ADRA1A: variants seen among roughly 807,000 people sequenced by gnomAD.
The protein encoded by ADRA1A is alpha-1A adrenergic receptor.
In ADRA1A, 31 loss-of-function variants were observed where a neutral mutation model predicts 29.6. That is an observed-to-expected ratio of 1.05 (90% CI 0.79 to 1.41). The LOEUF is 1.41. Among genes scored for constraint, ADRA1A ranks in the 40% most tolerant of loss-of-function variants. ADRA1A has a pLI of 0.00. For missense variants in ADRA1A, 619 were observed against 601.1 expected (o/e 1.03, Z -0.31); for synonymous variants, 311 against 254.3 (o/e 1.22, Z -2.12).
intron 2 of ADRA1A, among the ~76,000 whole-genome samples, chr8:26,790,087 C>T (rs1227431181): frequency 6.6e-6 from 1 of 152,126 alleles, no homozygotes; most frequent in Non-Finnish European, 1.5e-5. Context: ...TACCATGATC[C>T]AGCAATCCAG....
chr8:26,846,732 A>T (rs945123763), intron 2 of ADRA1A, among the ~76,000 whole-genome samples: 21 of 152,338 alleles, frequency 1.4e-4, no homozygotes, highest in African/African-American at 4.8e-4. Flanking sequence ...CGATCGCGCC[A>T]TTGCACTCCA....
At chr8:26,793,271 T>C (rs1223098682) in intron 2 of ADRA1A, among the ~76,000 whole-genome samples, 2 of 151,946 alleles carry the variant, frequency 1.3e-5, no homozygotes, top group African/African-American at 2.4e-5. Context: ...ATGACTAAGA[T>C]ACAGACAACA....
intron 2 of ADRA1A, among the ~76,000 whole-genome samples, chr8:26,828,907 G>T (rs867316435): frequency 6.6e-5 from 10 of 152,204 alleles, no homozygotes; most frequent in Admixed American, 3.3e-4. Flanking sequence ...CCAAATACCT[G>T]CCCTGTGAGC....
intron 2 of ADRA1A, among the ~76,000 whole-genome samples, chr8:26,799,437 G>A (rs765980627): frequency 6.6e-6 from 1 of 152,196 alleles, no homozygotes; most frequent in Admixed American, 6.5e-5. Flanking sequence ...GTGACTTCCA[G>A]TGAATCTGTG....
Position 26,864,331 on chromosome 8 carries a change from C to T in ADRA1A, c.639G>A (p.Arg213=). 6.2e-7 allele frequency: 1 copy of T among 1,614,070 alleles called. No homozygotes were observed. Residue 213 remains arginine (R), a synonymous_variant, in exon 2 of 3, where the codon AGG becomes AGA. Coordinates refer to ENST00000380573, the MANE Select transcript of ADRA1A (RefSeq NM_000680.4). The surrounding 1 kb of genome is among the most constrained non-coding windows in gnomAD (Gnocchi z 8.1). The part of the protein sequence containing the change: ...MYCRVYVVAK[R]ESRGLKSGLK... ...GGCCAGACTTGAGGCCCCGGCTCTC[C>T]CTCTTGGCCACCACGTAGACGCGGC...
Position 26,821,581 on chromosome 8 carries a change from G to A in ADRA1A, c.883+42506C>T, listed in dbSNP as rs1388699251. 6.6e-6 allele frequency among the ~76,000 whole-genome samples: 1 copy of A among 152,086 alleles called. No individual in the cohort carries two copies. Among genetic ancestry groups the A allele is most frequent in the Non-Finnish European group, 1.5e-5 (1 of 68,020 alleles). ...CACATTTCAACACGAGATTTGGAGG[G>A]GGCAAACATTCAAACCACATTACCA... On this transcript the variant is annotated intron_variant, in intron 2 of 2. Transcript: ENST00000380573. This position sits in a 1 kb window ranked among gnomAD's most constrained non-coding sequence, Gnocchi z 5.6.
At chr8:26,765,290 G>A (rs888701151), downstream of ADRA1A, among the ~76,000 whole-genome samples, 2 of 152,212 alleles carry the variant, frequency 1.3e-5, no homozygotes, top group African/African-American at 2.4e-5. Flanking sequence ...TTTGGGTCTG[G>A]GGAGCGTGAA....
chr8:26,853,144 A>T (rs1812759392), intron 2 of ADRA1A, among the ~76,000 whole-genome samples: 1 of 152,204 alleles, frequency 6.6e-6, no homozygotes, highest in Admixed American at 6.5e-5. Context: ...AAATTAAAAT[A>T]CATTTTAAAT....
At chr8:26,766,147 C>T, downstream of ADRA1A, 4 of 1,602,930 alleles carry the variant, frequency 2.5e-6, no homozygotes, top group African/African-American at 1.3e-5. Context: ...AATCCATTCC[C>T]CTCTGTCCAA....
chr8:26,865,067 G>A lies in ADRA1A; in HGVS notation c.-98C>T. The A allele has an allele frequency of 1.3e-6, 2 of 1,507,974 alleles. No homozygotes were observed. The allele number at this position is 1,507,974 out of a possible 1,614,324, so 93.4% of individuals were successfully genotyped here. A position where few individuals can be genotyped will look rare whatever the true frequency, so the allele number is the denominator to read the frequency against. On this transcript the variant is annotated 5_prime_UTR_variant, in exon 2 of 3. Transcript: ENST00000380573. The surrounding 1 kb of genome is among the most constrained non-coding windows in gnomAD (Gnocchi z 7.6). ...GGGAGCCGGGAATCAAAAGGTCTCG[G>A]CTGGAGGGAGCCCTGCCAGGTGGGT...
intron 2 of ADRA1A, among the ~76,000 whole-genome samples, chr8:26,862,451 T>C (rs1813548845): frequency 6.6e-6 from 1 of 152,218 alleles, no homozygotes; most frequent in African/African-American, 2.4e-5. Context: ...ATGTCTACCC[T>C]TTCCAAATAC....
At chr8:26,751,069 C>CAAAA (rs35234230) in intron 2 of ADRA1A, among the ~76,000 whole-genome samples, 28 of 138,322 alleles carry the variant, frequency 2.0e-4, no homozygotes, top group African/African-American at 7.0e-4. Context: ...AACTCTGTCT[C>CAAAA]AAAAAAAAAA....
intron 2 of ADRA1A, among the ~76,000 whole-genome samples, chr8:26,818,495 T>C (rs966249932): frequency 5.9e-5 from 9 of 152,164 alleles, no homozygotes; most frequent in African/African-American, 1.2e-4. Flanking sequence ...ACTTTACAGA[T>C]GAGTTTTACC....
At chr8:26,836,933 G>C (rs969574220) in intron 2 of ADRA1A, among the ~76,000 whole-genome samples, 1 of 152,110 alleles carries the variant, frequency 6.6e-6, no homozygotes, top group East Asian at 1.9e-4. Context: ...TGAGAGAAGG[G>C]CAAACGACCA....
chr8:26,863,949 C>T, intron 2 of ADRA1A, 138 bp downstream of exon 2: 1 of 871,808 alleles, frequency 1.1e-6, no homozygotes, highest in Non-Finnish European at 1.7e-6. Context: ...ACAAGGGAGC[C>T]TTTTCTAATT....
At chr8:26,766,350 T>A (rs1012478261), downstream of ADRA1A, among the ~76,000 whole-genome samples, 2 of 152,224 alleles carry the variant, frequency 1.3e-5, no homozygotes, top group African/African-American at 4.8e-5. Flanking sequence ...TGTGGCCCCT[T>A]CTGCATACTC....
downstream of ADRA1A, among the ~76,000 whole-genome samples, chr8:26,766,763 A>G (rs1805814909): frequency 6.6e-6 from 1 of 152,064 alleles, no homozygotes. Context: ...CAATGATCAG[A>G]TTTTTATCTG....
intron 2 of ADRA1A, among the ~76,000 whole-genome samples, chr8:26,856,277 C>A (rs769918358): frequency 6.6e-6 from 1 of 152,166 alleles, no homozygotes; most frequent in African/African-American, 2.4e-5. Flanking sequence ...TTAAATGGCA[C>A]GGTAGAAGGA....
intron 2 of ADRA1A, among the ~76,000 whole-genome samples, chr8:26,779,595 C>G (rs926595131): frequency 6.6e-6 from 1 of 151,944 alleles, no homozygotes; most frequent in African/African-American, 2.4e-5. Context: ...AGAGGGCAGG[C>G]TTTGGAAGGA....
Sources: allele counts gnomAD v4.1 joint callset (sites outside exome capture counted in the v4.1 genomes callset), GRCh38; gene constraint gnomAD v4.1.1; non-coding constraint Gnocchi (gnomAD v3.1); transcripts MANE v1.5; gene names NCBI Gene and HGNC (gene_info 2026-07-23, HGNC 2026-07-21).